Variants in CDH18 observed in about 807,000 individuals in gnomAD.
CDH18 encodes the protein cadherin 18, also known as cadherin-18.
In CDH18, 31 loss-of-function variants were observed where a neutral mutation model predicts 67.9. The ratio of observed to expected loss-of-function variants is 0.46; its 90% confidence interval spans 0.34 to 0.62. CDH18 has a LOEUF of 0.62. CDH18 is among the 20% of genes least tolerant of loss of function. The pLI, the probability that CDH18 is intolerant of heterozygous loss-of-function variation, is 0.01. For missense variants in CDH18, 890 were observed against 975.5 expected (o/e 0.91, Z 1.17); for synonymous variants, 362 against 347.2 (o/e 1.04, Z -0.48).
chr5:20,506,495 G>C lies in CDH18; in HGVS notation c.-580+68967C>G, dbSNP rs374042796. Among the ~76,000 whole-genome samples, 6 of 152,200 alleles carry C rather than the reference G, an allele frequency of 3.9e-5. No individual in the cohort carries two copies. In the South Asian group the frequency reaches 8.3e-4, roughly 21 times the overall value. ...CAGATAGCAAGGAGCTGAACCCCCA[G>C]ACTGACAGCTACAAGGTCTGAATGC... On this transcript the variant is annotated intron_variant, in intron 1 of 14. Transcript: ENST00000507958.
intron 1 of CDH18, among the ~76,000 whole-genome samples, chr5:20,368,571 G>A (rs1015731819): frequency 6.6e-6 from 1 of 152,134 alleles, no homozygotes; most frequent in African/African-American, 2.4e-5. Flanking sequence ...TTATTTTAAT[G>A]TGGCAGTTCT....
At chr5:20,375,644 C>G (rs1238305159) in intron 1 of CDH18, among the ~76,000 whole-genome samples, 1 of 152,174 alleles carries the variant, frequency 6.6e-6, no homozygotes, top group Non-Finnish European at 1.5e-5. Context: ...ACTGTCAATT[C>G]ATTTTTTTTA....
chr5:19,625,852 AT>A (rs1412372680), intron 5 of CDH18, among the ~76,000 whole-genome samples: 1 of 152,034 alleles, frequency 6.6e-6, no homozygotes, highest in Non-Finnish European at 1.5e-5. Context: ...GGAACTTGGG[AT>A]TCAAACAACG....
chr5:20,239,177 G>A (rs748869424), intron 2 of CDH18, among the ~76,000 whole-genome samples: 18 of 152,278 alleles, frequency 1.2e-4, no homozygotes, highest in African/African-American at 2.4e-4. Flanking sequence ...CCAGTAGGCC[G>A]GGTGTGGTGG....
chr5:20,447,748 C>T (rs1363259057), intron 1 of CDH18, among the ~76,000 whole-genome samples: 2 of 152,132 alleles, frequency 1.3e-5, no homozygotes, highest in Non-Finnish European at 2.9e-5. Context: ...CTATCATTTA[C>T]AGGAACAGCA....
chr5:20,172,203 T>TAC lies in CDH18; in HGVS notation c.-518+83240_-518+83241insGT, dbSNP rs1210637820. On this transcript the variant is annotated intron_variant, in intron 2 of 14. Transcript: ENST00000507958. The stretch of plus-strand genomic sequence containing the variant: ...ATAGCATTGTGTGTATATATATATA[T>TAC]ATATATATATATATATATATGTATA... Among the ~76,000 whole-genome samples the TAC allele has an allele frequency of 4.3e-3, 253 of 58,332 alleles. 6 individuals are homozygous for TAC. The highest frequency in any genetic ancestry group is 7.9e-3 in the East Asian group (14 of 1,776). 38.3% of individuals were successfully genotyped at this position (58,332 alleles called of 152,430 possible). A position where few individuals can be genotyped will look rare whatever the true frequency, so the allele number is the denominator to read the frequency against.
intron 1 of CDH18, among the ~76,000 whole-genome samples, chr5:20,363,867 A>G (rs1252399296): frequency 1.3e-5 from 2 of 152,132 alleles, no homozygotes; most frequent in Non-Finnish European, 2.9e-5. Context: ...CTGAACCCTA[A>G]TTTAAATAAT....
At chr5:19,936,554 G>A (rs1794290237) in intron 2 of CDH18, among the ~76,000 whole-genome samples, 1 of 150,718 alleles carries the variant, frequency 6.6e-6, no homozygotes, top group African/African-American at 2.4e-5. Context: ...GGTACTCTAA[G>A]GTTTTCATTA....
intron 2 of CDH18, among the ~76,000 whole-genome samples, chr5:19,855,091 T>A (rs1784123384): frequency 6.8e-6 from 1 of 147,618 alleles, no homozygotes. Flanking sequence ...TTTTTATGGC[T>A]AAGTAATAAC....
chr5:20,438,004 A>C (rs1179533858), intron 1 of CDH18, among the ~76,000 whole-genome samples: 1 of 151,322 alleles, frequency 6.6e-6, no homozygotes, highest in Non-Finnish European at 1.5e-5. Flanking sequence ...GTATATTTTA[A>C]GGGTATTTTT....
At chr5:19,766,046 T>C (rs563047760) in intron 3 of CDH18, among the ~76,000 whole-genome samples, 1 of 152,012 alleles carries the variant, frequency 6.6e-6, no homozygotes, top group East Asian at 1.9e-4. Context: ...CACCCGGCTA[T>C]TTTTGTATAT....
chr5:19,836,208 C>A (rs1333910065), intron 3 of CDH18, among the ~76,000 whole-genome samples: 1 of 151,992 alleles, frequency 6.6e-6, no homozygotes, highest in South Asian at 2.1e-4. Flanking sequence ...TTTAATGATT[C>A]TTTTCTTGTG....
intron 5 of CDH18, among the ~76,000 whole-genome samples, chr5:19,640,459 A>T (rs1056269332): frequency 6.6e-6 from 1 of 152,126 alleles, no homozygotes; most frequent in African/African-American, 2.4e-5. Context: ...ATCAATTCAA[A>T]AACAGATAAA....
intron 8 of CDH18, among the ~76,000 whole-genome samples, chr5:19,559,043 C>T (rs893421266): frequency 6.6e-6 from 1 of 152,062 alleles, no homozygotes; most frequent in Non-Finnish European, 1.5e-5. Context: ...GTAATATCTC[C>T]TGTTGCATTT....
intron 2 of CDH18, among the ~76,000 whole-genome samples, chr5:19,973,585 A>T (rs1231141824): frequency 1.3e-5 from 2 of 152,186 alleles, no homozygotes; most frequent in Admixed American, 1.3e-4. Flanking sequence ...ATTGAAGAAC[A>T]TGGAAAAAGT....
chr5:19,792,867 T>C (rs1397073201), intron 3 of CDH18, among the ~76,000 whole-genome samples: 1 of 152,160 alleles, frequency 6.6e-6, no homozygotes, highest in African/African-American at 2.4e-5. Flanking sequence ...GAACTTTACT[T>C]CTACTTTAGA....
intron 2 of CDH18, chr5:19,886,258 A>G (rs1457066234): frequency 6.6e-6 from 1 of 152,126 alleles, no homozygotes; most frequent in African/African-American, 2.4e-5. Flanking sequence ...ACATTAGATG[A>G]CTGCAGTACT....
At position 19,839,989 on chromosome 5, in the gene CDH18, T is replaced by C. The variant is rs546199915; in HGVS notation, c.-256-747A>G. Among the ~76,000 whole-genome samples the C allele has an allele frequency of 4.7e-4, 71 of 151,900 alleles. 1 individual carries two copies. The East Asian group carries it at 0.012, about 25-fold the overall frequency. On this transcript the variant is annotated intron_variant, in intron 2 of 12. Transcript: ENST00000382275. ...AAAAGAAGTTGAAGGCCGGGTGGGG[T>C]GGCTCACGCCTGTAATCCCGGCACT...
intron 2 of CDH18, among the ~76,000 whole-genome samples, chr5:20,184,843 A>T (rs1417085587): frequency 6.6e-6 from 1 of 152,052 alleles, no homozygotes; most frequent in Non-Finnish European, 1.5e-5. Context: ...ATTCCTTTCC[A>T]ATTCTTAACT....
Sources: allele counts gnomAD v4.1 joint callset (sites outside exome capture counted in the v4.1 genomes callset), GRCh38; gene constraint gnomAD v4.1.1; transcripts MANE v1.5; gene names NCBI Gene and HGNC (gene_info 2026-07-23, HGNC 2026-07-21).